The following NCAM2 variants were observed in gnomAD, a reference collection of about 807,000 sequenced individuals.
NCAM2 encodes the protein N-CAM-2.
A neutral mutation model predicts 98.1 loss-of-function variants in NCAM2; 30 were observed. The observed-to-expected ratio is 0.31, with a 90% CI of 0.23 to 0.41. The LOEUF is 0.41. Among genes scored for constraint, NCAM2 ranks in the 10% least tolerant of loss-of-function variants. The pLI, the probability that NCAM2 is intolerant of heterozygous loss-of-function variation, is 1.00. For missense variants in NCAM2, 867 were observed against 1,005.8 expected (o/e 0.86, Z 1.87); for synonymous variants, 368 against 342.4 (o/e 1.07, Z -0.83).
chr21:21,520,103 C>G (rs1250047290), intron 16 of NCAM2, among the ~76,000 whole-genome samples: 1 of 151,874 alleles, frequency 6.6e-6, no homozygotes, highest in Non-Finnish European at 1.5e-5. Context: ...ATCAAATTAT[C>G]TTTTTACTGT....
chr21:21,045,645 G>A (rs962077880), intron 1 of NCAM2, among the ~76,000 whole-genome samples: 11 of 152,084 alleles, frequency 7.2e-5, no homozygotes, highest in African/African-American at 2.7e-4. Flanking sequence ...GCAAGACCCT[G>A]TCTCAGAAAA....
At chr21:21,507,637 C>CA (rs945085493) in intron 15 of NCAM2, among the ~76,000 whole-genome samples, 43 of 151,698 alleles carry the variant, frequency 2.8e-4, no homozygotes, top group Non-Finnish European at 4.0e-4. Flanking sequence ...ACTAAAAACA[C>CA]AAAAAAATTA....
At chr21:21,061,035 A>C (rs1016626250) in intron 1 of NCAM2, among the ~76,000 whole-genome samples, 2 of 152,148 alleles carry the variant, frequency 1.3e-5, no homozygotes, top group African/African-American at 2.4e-5. Context: ...TTTAAGGTAT[A>C]AGTTTGCTGA....
Position 21,539,604 on chromosome 21 carries a change from T to C in NCAM2, c.*1647T>C, listed in dbSNP as rs1394920540. 6.6e-6 allele frequency: 1 copy of C among 152,190 alleles called. No homozygotes were observed. The highest frequency in any genetic ancestry group is 2.4e-5 in the African/African-American group (1 of 41,452). The allele number at this position is 152,190 out of a possible 1,614,324, so 9.4% of individuals were successfully genotyped here. ...TAAGTACTTTTATATAATTCATCAC[T>C]TTTCTGGCTACAGCAGGACAGAATA... On this transcript the variant is annotated 3_prime_UTR_variant, in exon 18 of 18. Transcript: ENST00000400546.
intron 1 of NCAM2, among the ~76,000 whole-genome samples, chr21:21,065,263 T>G (rs1474863922): frequency 6.6e-6 from 1 of 152,044 alleles, no homozygotes; most frequent in East Asian, 1.9e-4. Context: ...ATAGAAGTCA[T>G]AAGCCAATAA....
intron 11 of NCAM2, among the ~76,000 whole-genome samples, chr21:21,428,659 A>G (rs1348506801): frequency 6.6e-6 from 1 of 152,228 alleles, no homozygotes; most frequent in African/African-American, 2.4e-5. Context: ...TACAAGAATT[A>G]TAATGCAGGA....
At chr21:21,002,712 A>C (rs1568915998) in intron 1 of NCAM2, among the ~76,000 whole-genome samples, 1 of 152,112 alleles carries the variant, frequency 6.6e-6, no homozygotes, top group Non-Finnish European at 1.5e-5. Context: ...AGTGATTCTA[A>C]ATTGCCCTAT....
chr21:21,520,901 C>G (rs1988979075), intron 16 of NCAM2, among the ~76,000 whole-genome samples: 1 of 152,162 alleles, frequency 6.6e-6, no homozygotes, highest in Middle Eastern at 3.4e-3. Context: ...CATAGGAGGT[C>G]CTATACTTCT....
rs950860161 is a variant in NCAM2 at position 21,280,475 on chromosome 21, G to A, written c.56-103G>A. ...CTTTATAGGTAATAAAAAATTGGGG[G>A]GAAATAATCAGCGTTTGGACCATGT... On this transcript the variant is annotated intron_variant, in intron 1 of 17. Transcript: ENST00000400546. 7.2e-6 allele frequency: 5 copies of A among 697,916 alleles called. No individual in the cohort carries two copies. In the African/African-American group the frequency reaches 7.6e-5, roughly 11 times the overall value. The allele number at this position is 697,916 out of a possible 1,614,324, so 43.2% of individuals were successfully genotyped here.
At chr21:21,163,082 A>G (rs996334597) in intron 1 of NCAM2, among the ~76,000 whole-genome samples, 4 of 152,174 alleles carry the variant, frequency 2.6e-5, no homozygotes, top group African/African-American at 9.7e-5. Flanking sequence ...CTAATGTTGA[A>G]GCAAAAAGAG....
At chr21:21,038,743 A>G (rs1326984968) in intron 1 of NCAM2, among the ~76,000 whole-genome samples, 3 of 152,208 alleles carry the variant, frequency 2.0e-5, no homozygotes, top group Non-Finnish European at 4.4e-5. Flanking sequence ...GTGTGAGAAC[A>G]GACCAATACA....
At position 21,244,035 on chromosome 21, in the gene NCAM2, A is replaced by G. The variant is rs148452418; in HGVS notation, c.56-36543A>G. On this transcript the variant is annotated intron_variant, in intron 1 of 17. Transcript: ENST00000400546. ...GCATGGGTAAATTTTAAGAGCTTCCAGTGTAATCTAATGTATAACCAGAGG... is the reference window on the plus strand; with the variant it reads ...GCATGGGTAAATTTTAAGAGCTTCCGGTGTAATCTAATGTATAACCAGAGG... 2.6e-5 allele frequency among the ~76,000 whole-genome samples: 4 copies of G among 152,336 alleles called. No homozygotes were observed. The East Asian group carries it at 7.7e-4, about 29-fold the overall frequency.
At position 21,452,081 on chromosome 21, in the gene NCAM2, G is replaced by A. The variant is rs1981166906; in HGVS notation, c.1655-14525G>A. Among the ~76,000 whole-genome samples, 3 of 151,006 alleles carry A rather than the reference G, an allele frequency of 2.0e-5. No homozygotes were observed. In the Admixed American group the frequency reaches 2.0e-4, roughly 10 times the overall value. On this transcript the variant is annotated intron_variant, in intron 12 of 17. Transcript: ENST00000400546. Reference sequence around the variant, plus strand: ...AGAACACTTCCTTTCTTTCGTTTTAGGATATAGTTTATTAGTGACTTTATC... The same window carrying A: ...AGAACACTTCCTTTCTTTCGTTTTAAGATATAGTTTATTAGTGACTTTATC...
In NCAM2 at chr21:21,128,766, G is replaced by A. The variant is rs562184724; in HGVS notation, c.55+130148G>A. 3.3e-5 allele frequency among the ~76,000 whole-genome samples: 5 copies of A among 152,130 alleles called. No homozygotes were observed. The South Asian group carries it at 8.3e-4, about 25-fold the overall frequency. ...GTGAAGAGTTAAGAAATTATTTGAC[G>A]TCAGATAATAAAACAAAAGATCAAT... On this transcript the variant is annotated intron_variant, in intron 1 of 17. Transcript: ENST00000400546.
intron 16 of NCAM2, among the ~76,000 whole-genome samples, chr21:21,510,306 C>T (rs1988282831): frequency 6.6e-6 from 1 of 152,086 alleles, no homozygotes; most frequent in Non-Finnish European, 1.5e-5. Flanking sequence ...CTTACCACCA[C>T]ATTCTGGAAG....
intron 1 of NCAM2, among the ~76,000 whole-genome samples, chr21:21,067,242 A>C (rs2065460117): frequency 6.6e-6 from 1 of 152,010 alleles, no homozygotes; most frequent in Non-Finnish European, 1.5e-5. Context: ...GAGAGAGAAT[A>C]TTACTTCAAT....
chr21:21,031,220 T>G (rs1470305223), intron 1 of NCAM2, among the ~76,000 whole-genome samples: 1 of 152,204 alleles, frequency 6.6e-6, no homozygotes, highest in Non-Finnish European at 1.5e-5. Flanking sequence ...CTGTTTATGT[T>G]TTGGCCATTT....
intron 17 of NCAM2, among the ~76,000 whole-genome samples, chr21:21,536,048 C>T (rs1989965520): frequency 6.6e-6 from 1 of 152,090 alleles, no homozygotes; most frequent in African/African-American, 2.4e-5. Context: ...TGAGGTGACA[C>T]ATTGCTTTTA....
intron 9 of NCAM2, among the ~76,000 whole-genome samples, chr21:21,392,691 C>G (rs1260693994): frequency 6.6e-6 from 1 of 152,174 alleles, no homozygotes; most frequent in Non-Finnish European, 1.5e-5. Context: ...TTGCATTTCC[C>G]TAATGATCAG....
Sources: gnomAD v4.1 joint callset for allele counts (sites outside exome capture counted in the v4.1 genomes callset) on GRCh38, gnomAD v4.1.1 for gene constraint, MANE v1.5 for transcripts, NCBI Gene and HGNC (gene_info 2026-07-23, HGNC 2026-07-21) for gene names.